The following SOX5 variants were observed in gnomAD, a reference collection of about 807,000 sequenced individuals.
SOX5 encodes SRY-box transcription factor 5.
A neutral mutation model predicts 92.0 loss-of-function variants in SOX5; 9 were observed. The ratio of observed to expected loss-of-function variants is 0.10; its 90% CI spans 0.06 to 0.17. The LOEUF (loss-of-function observed/expected upper bound fraction) is 0.17. Among genes scored for constraint, SOX5 ranks in the 10% least tolerant of loss-of-function variants. SOX5 has a pLI of 1.00. For missense variants in SOX5, 642 were observed against 944.5 expected (o/e 0.68, Z 4.20); for synonymous variants, 344 against 336.3 (o/e 1.02, Z -0.25).
intron 2 of SOX5, among the ~76,000 whole-genome samples, chr12:24,281,247 A>C (rs1945158775): frequency 6.6e-6 from 1 of 151,736 alleles, no homozygotes; most frequent in Non-Finnish European, 1.5e-5. Flanking sequence ...GAAAAAAAAA[A>C]AAAAAAAAAA....
intron 1 of SOX5, among the ~76,000 whole-genome samples, chr12:24,442,948 ATTTTTT>A (rs3983413): frequency 1.6e-4 from 18 of 109,944 alleles, no homozygotes; most frequent in Admixed American, 5.2e-4. Flanking sequence ...TAAGTTTATA[ATTTTTT>A]TTTTTTTTTT....
Position 23,814,386 on chromosome 12 carries a change from G to A in SOX5, c.481+31597C>T, listed in dbSNP as rs145674772. 7.9e-3 allele frequency among the ~76,000 whole-genome samples: 1,210 copies of A among 152,226 alleles called. 31 individuals carry two copies. The highest frequency in any genetic ancestry group is 0.043 in the Admixed American group (652 of 15,280). On this transcript the variant is annotated intron_variant, in intron 3 of 14. Coordinates refer to ENST00000451604, the MANE Select transcript of SOX5 (RefSeq NM_006940.6). Reference sequence around the variant, plus strand: ...CACAATGAGATGTCCCATACTGAAGGGTTCCAGACCTTCAATATGAGAGGT... The same window carrying A: ...CACAATGAGATGTCCCATACTGAAGAGTTCCAGACCTTCAATATGAGAGGT...
rs1272675000 is a variant in SOX5, at chr12:23,882,291, ATCTTT to A, written c.270+13497_270+13501del. On this transcript the variant is annotated intron_variant, in intron 2 of 14. Coordinates refer to ENST00000451604, the MANE Select transcript of SOX5 (RefSeq NM_006940.6). Reference sequence around the variant, plus strand: ...ACGATAATAATAAATGAAGGACTGAATCTTTCACAGTACCTCTAAAATCCCTGAAT... The same window carrying A: ...ACGATAATAATAAATGAAGGACTGAACACAGTACCTCTAAAATCCCTGAAT... 5.9e-5 allele frequency among the ~76,000 whole-genome samples: 9 copies of A among 152,232 alleles called. No homozygotes were observed. The East Asian group carries it at 1.2e-3, about 20-fold the overall frequency.
chr12:23,959,098 CTAATT>C (rs1946602979), intron 4 of SOX5, among the ~76,000 whole-genome samples: 1 of 151,748 alleles, frequency 6.6e-6, no homozygotes. Flanking sequence ...TCAATTCTTC[CTAATT>C]TAATGTATAA....
intron 1 of SOX5, among the ~76,000 whole-genome samples, chr12:24,518,866 T>G (rs1189808656): frequency 6.6e-6 from 1 of 152,226 alleles, no homozygotes; most frequent in Admixed American, 6.5e-5. Flanking sequence ...TTCCTTAATA[T>G]GATATTTGTA....
At chr12:24,095,691 G>A (rs749727480) in intron 4 of SOX5, among the ~76,000 whole-genome samples, 2 of 152,116 alleles carry the variant, frequency 1.3e-5, no homozygotes, top group Non-Finnish European at 2.9e-5. Flanking sequence ...ATCCCCGCGT[G>A]TCAAAGGGGA....
chr12:23,669,245 C>G (rs1336504422), intron 6 of SOX5, among the ~76,000 whole-genome samples: 1 of 152,056 alleles, frequency 6.6e-6, no homozygotes, highest in African/African-American at 2.4e-5. Context: ...AAGAGAGGCT[C>G]CTAACACAGC....
At chr12:23,729,926 T>C (rs549463611) in intron 6 of SOX5, among the ~76,000 whole-genome samples, 1 of 152,220 alleles carries the variant, frequency 6.6e-6, no homozygotes, top group East Asian at 1.9e-4. Flanking sequence ...CTCACACACA[T>C]GCCCAAAACT....
chr12:24,046,574 A>G (rs1339656785), intron 4 of SOX5, among the ~76,000 whole-genome samples: 1 of 152,190 alleles, frequency 6.6e-6, no homozygotes, highest in Non-Finnish European at 1.5e-5. Flanking sequence ...ATAAGAGTGC[A>G]TAAATCAGTA....
intron 3 of SOX5, among the ~76,000 whole-genome samples, chr12:23,763,408 C>G (rs139436036): frequency 3.7e-4 from 57 of 152,100 alleles, no homozygotes; most frequent in East Asian, 2.9e-3. Flanking sequence ...TGAAAACTAC[C>G]CCAAAATCAA....
intron 1 of SOX5, among the ~76,000 whole-genome samples, chr12:24,480,783 G>A (rs143291766): frequency 1.3e-5 from 2 of 151,970 alleles, no homozygotes; most frequent in East Asian, 3.9e-4. Context: ...TTGGAGTAAA[G>A]GGAAACTTCA....
intron 4 of SOX5, among the ~76,000 whole-genome samples, chr12:24,076,994 G>T (rs1165330090): frequency 6.6e-6 from 1 of 152,050 alleles, no homozygotes; most frequent in Non-Finnish European, 1.5e-5. Flanking sequence ...TCAAGTCATG[G>T]TAACAACTGA....
chr12:23,914,286 T>C (rs1266132393), intron 1 of SOX5, among the ~76,000 whole-genome samples: 2 of 152,200 alleles, frequency 1.3e-5, no homozygotes, highest in African/African-American at 4.8e-5. Context: ...TTTCCACTGT[T>C]ATAAAAGTAG....
chr12:23,786,004 T>C (rs1404748988), intron 3 of SOX5, among the ~76,000 whole-genome samples: 2 of 152,062 alleles, frequency 1.3e-5, no homozygotes, highest in African/African-American at 4.8e-5. Flanking sequence ...TTTTAAATAG[T>C]GGGAAAACAA....
intron 1 of SOX5, among the ~76,000 whole-genome samples, chr12:24,546,887 A>T (rs1952672228): frequency 6.6e-6 from 1 of 152,196 alleles, no homozygotes. Context: ...TCCAGTAAAC[A>T]CTGAGAACTT....
intron 7 of SOX5, among the ~76,000 whole-genome samples, chr12:23,651,615 C>T (rs1236303713): frequency 6.6e-6 from 1 of 151,926 alleles, no homozygotes; most frequent in Non-Finnish European, 1.5e-5. Flanking sequence ...CAATTGGAGT[C>T]AAATGAATAT....
intron 1 of SOX5, among the ~76,000 whole-genome samples, chr12:24,492,108 C>T (rs1947149956): frequency 6.6e-6 from 1 of 152,148 alleles, no homozygotes; most frequent in Non-Finnish European, 1.5e-5. Flanking sequence ...TCAAACTAAT[C>T]AAAAGAGGAA....
chr12:23,909,902 G>C (rs1455387705), intron 1 of SOX5, among the ~76,000 whole-genome samples: 2 of 151,564 alleles, frequency 1.3e-5, no homozygotes, highest in African/African-American at 4.9e-5. Flanking sequence ...GTGTTCCAAA[G>C]GGGACCAAAT....
At chr12:24,346,821 T>C (rs1324961613) in intron 2 of SOX5, among the ~76,000 whole-genome samples, 6 of 151,454 alleles carry the variant, frequency 4.0e-5, no homozygotes, top group African/African-American at 1.2e-4. Context: ...AGGTGGGAAT[T>C]GAATAATGAG....
Sources: gnomAD v4.1 joint callset for allele counts (sites outside exome capture counted in the v4.1 genomes callset) on GRCh38, gnomAD v4.1.1 for gene constraint, MANE v1.5 for transcripts, NCBI Gene and HGNC (gene_info 2026-07-23, HGNC 2026-07-21) for gene names.